Variants in PRSS3 observed in about 807,000 individuals in gnomAD.
PRSS3 encodes the protein serine protease 3, also known as trypsin-3.
PRSS3 carries 14 observed loss-of-function variants against 20.8 expected under a neutral mutation model. The observed-to-expected ratio is 0.67, with a 90% CI of 0.44 to 1.05. The LOEUF (loss-of-function observed/expected upper bound fraction) is 1.05. PRSS3 is among the 50% of genes least tolerant of loss of function. The pLI, the probability that PRSS3 is intolerant of heterozygous loss-of-function variation, is 0.00. For missense variants in PRSS3, 237 were observed against 306.4 expected, an observed-to-expected ratio of 0.77 and a Z score of 1.69; for synonymous variants, 91 against 117.6, an observed-to-expected ratio of 0.77 and a Z score of 1.46.
chr9:33,786,597 T>C (rs1011677197), intron 1 of PRSS3: 1 of 766,446 alleles, frequency 1.3e-6, no homozygotes, highest in Non-Finnish European at 2.4e-6. Context: ...ACCTCCATGA[T>C]GATCCAGTGT....
At chr9:33,772,966 G>C (rs1823770163) in intron 1 of PRSS3, among the ~76,000 whole-genome samples, 2 of 151,966 alleles carry the variant, frequency 1.3e-5, no homozygotes, top group Admixed American at 6.6e-5. Flanking sequence ...ACCATTTCCT[G>C]CTTTCCCCCC....
chr9:33,798,114 C>A, intron 3 of PRSS3, 32 bp downstream of exon 3: 1 of 1,350,202 alleles, frequency 7.4e-7, no homozygotes, highest in African/African-American at 1.9e-5. Context: ...TCTACTTCCC[C>A]CCATCCTCAC....
chr9:33,793,582 G>A (rs1824740880), upstream of PRSS3: 12 of 677,162 alleles, frequency 1.8e-5, no homozygotes, highest in Non-Finnish European at 2.2e-5. Flanking sequence ...CTGCCAGGAA[G>A]AAAAGCAGGA....
In PRSS3 at chr9:33,796,688, C is replaced by T. The variant is rs778139682; in HGVS notation, c.86C>T (p.Thr29Ile). 2.5e-6 allele frequency: 4 copies of T among 1,608,730 alleles called. No individual in the cohort carries two copies. Among genetic ancestry groups the T allele is most frequent in the Middle Eastern group, 1.7e-4 (1 of 6,048 alleles). Reference sequence around the variant, plus strand: ...GATGACAAGATTGTTGGGGGCTACACCTGTGAGGAGAATTCTCTCCCCTAC... The same window carrying T: ...GATGACAAGATTGTTGGGGGCTACATCTGTGAGGAGAATTCTCTCCCCTAC... ...DDDDKIVGGY[T>I]CEENSLPYQV... Residue 29 changes from threonine to isoleucine, a missense_variant, in exon 2 of 5, where the codon ACC becomes ATC. Coordinates refer to ENST00000379405, the MANE Select transcript of PRSS3 (RefSeq NM_002771.4).
chr9:33,771,304 G>A (rs1217589209), intron 1 of PRSS3, among the ~76,000 whole-genome samples: 1 of 151,064 alleles, frequency 6.6e-6, no homozygotes, highest in Non-Finnish European at 1.5e-5. Context: ...GAGAGTGAGG[G>A]GTTTCTTTTC....
upstream of PRSS3, chr9:33,794,611 A>T: frequency 1.9e-6 from 2 of 1,043,712 alleles, no homozygotes; most frequent in South Asian, 1.9e-5. Context: ...ATCTCTACCT[A>T]CTGCTGATTC....
In PRSS3 at chr9:33,771,652, T is replaced by TG. The variant is rs577284142; in HGVS notation, c.-53+20925_-53+20926insG. On this transcript the variant is annotated intron_variant, in intron 1 of 5. Coordinates refer to the PRSS3 transcript ENST00000342836. Reference sequence around the variant, plus strand: ...TTGTTTTTTTGTTTTTTTGTTTTTTTTTTTTTTGAGACAGGGTCTCTTCTG... The same window carrying TG: ...TTGTTTTTTTGTTTTTTTGTTTTTTTGTTTTTTTGAGACAGGGTCTCTTCTG... Among the ~76,000 whole-genome samples the TG allele has an allele frequency of 4.7e-4, 69 of 145,484 alleles. 1 individual carries two copies. In the East Asian group the frequency reaches 9.0e-3, roughly 19 times the overall value.
intron 1 of PRSS3, among the ~76,000 whole-genome samples, chr9:33,766,504 T>C (rs1280230389): frequency 1.3e-5 from 2 of 151,070 alleles, no homozygotes; most frequent in African/African-American, 2.4e-5. Flanking sequence ...ACCGGGGAGG[T>C]GGAGCTTGCA....
chr9:33,796,620 C>T (rs748598272), intron 1 of PRSS3, 23 bp from the exon 2 acceptor site: 6 of 1,613,712 alleles, frequency 3.7e-6, no homozygotes, highest in East Asian at 2.2e-5. Context: ...GACTTGCCTT[C>T]TCCCTTCCTA....
intron 1 of PRSS3, among the ~76,000 whole-genome samples, chr9:33,771,915 A>G (rs1823729770): frequency 7.7e-6 from 1 of 129,524 alleles, no homozygotes; most frequent in South Asian, 2.3e-4. Flanking sequence ...TTTATCACCC[A>G]GGCTATAGTG....
chr9:33,792,363 C>A (rs993392021), upstream of PRSS3, among the ~76,000 whole-genome samples: 6 of 152,118 alleles, frequency 3.9e-5, no homozygotes, highest in Admixed American at 3.3e-4. Context: ...TGGAATCTGA[C>A]ACTTTTCAGA....
chr9:33,796,171 C>A (rs1365311485), intron 1 of PRSS3, among the ~76,000 whole-genome samples: 2 of 152,238 alleles, frequency 1.3e-5, no homozygotes, highest in Non-Finnish European at 2.9e-5. Flanking sequence ...GGGCTGCCCT[C>A]AACTCTGCCC....
At chr9:33,798,465 A>G (rs368380620) in intron 3 of PRSS3, 21 bp from the exon 4 acceptor site, 89 of 1,573,358 alleles carry the variant, frequency 5.7e-5, no homozygotes, top group African/African-American at 5.4e-4. Flanking sequence ...ACTTTCTTTG[A>G]TCTCTTCCTG....
intron 1 of PRSS3, among the ~76,000 whole-genome samples, chr9:33,778,062 A>G (rs1385790578): frequency 1.3e-5 from 2 of 152,108 alleles, no homozygotes; most frequent in Admixed American, 6.5e-5. Context: ...AAATCAATCA[A>G]TGTAACTCAT....
At chr9:33,756,380 G>A (rs771824001) in intron 1 of PRSS3, among the ~76,000 whole-genome samples, 4 of 152,056 alleles carry the variant, frequency 2.6e-5, no homozygotes, top group Non-Finnish European at 5.9e-5. Context: ...TTGGGGTGGG[G>A]TTTTTTGGCA....
chr9:33,758,317 T>C (rs1250517486), intron 1 of PRSS3, among the ~76,000 whole-genome samples: 1 of 152,214 alleles, frequency 6.6e-6, no homozygotes, highest in African/African-American at 2.4e-5. Context: ...TGAAAGTCTC[T>C]CTCTTCTGGC....
At chr9:33,786,897 A>G (rs1824434272) in intron 1 of PRSS3, 1 of 619,072 alleles carries the variant, frequency 1.6e-6, no homozygotes. Context: ...CTCCCCTCAC[A>G]TGAACCTGAG....
intron 1 of PRSS3, among the ~76,000 whole-genome samples, chr9:33,773,574 T>TA (rs1563961005): frequency 1.3e-5 from 2 of 152,252 alleles, no homozygotes; most frequent in African/African-American, 4.8e-5. Flanking sequence ...CATGTGAAAT[T>TA]AAAAAAAGAG....
At chr9:33,792,425 T>C (rs1824676609), upstream of PRSS3, among the ~76,000 whole-genome samples, 1 of 152,214 alleles carries the variant, frequency 6.6e-6, no homozygotes, top group Non-Finnish European at 1.5e-5. Flanking sequence ...GAACAAACTT[T>C]GTCTGAATAG....
Sources: gnomAD v4.1 joint callset for allele counts (sites outside exome capture counted in the v4.1 genomes callset) on GRCh38, gnomAD v4.1.1 for gene constraint, MANE v1.5 for transcripts, NCBI Gene and HGNC (gene_info 2026-07-23, HGNC 2026-07-21) for gene names.